Variants in CALHM2 observed in about 807,000 individuals in gnomAD.
The protein encoded by CALHM2 is calcium homeostasis modulator family member 2.
In CALHM2, 18 loss-of-function variants were observed where a neutral mutation model predicts 20.4. The ratio of observed to expected loss-of-function variants is 0.88; its 90% CI spans 0.61 to 1.31. The LOEUF (loss-of-function observed/expected upper bound fraction) is 1.31. Among genes scored for constraint, CALHM2 ranks in the 50% most tolerant of loss-of-function variants. The pLI is 0.00. For synonymous variants in CALHM2, 193 were observed against 192.1 expected, an observed-to-expected ratio of 1.00 and a Z score of -0.04; for missense variants, 411 against 435.7, an observed-to-expected ratio of 0.94 and a Z score of 0.50.
chr10:103,449,558 A>AT lies in CALHM2; in HGVS notation c.383dup (p.Tyr128Ter). ...SVISLLRGEAYVCALSEFVDP... is the reference protein window; with the variant it reads ...SVISLLRGEA ...CCACGAACTCACTGAGAGCACAGAC[A>AT]TAAGCCTCACCACGCAGCAGGGAGA... The change falls in exon 3 of 4, where the codon TAT becomes TAAT. Residue 128 changes from tyrosine (Y) to a stop codon, truncating the protein, a stop_gained and frameshift_variant. Transcript: ENST00000260743. LOFTEE classifies it high-confidence loss of function. The AT allele has an allele frequency of 6.2e-7, 1 of 1,613,862 alleles. No homozygotes were observed. Among genetic ancestry groups the AT allele is most frequent in the Non-Finnish European group, 8.5e-7 (1 of 1,180,042 alleles).
rs770360675 is a variant in CALHM2 at position 103,447,573 on chromosome 10, C to A, written c.556-5G>T. The A allele has an allele frequency of 1.3e-6, 2 of 1,582,150 alleles. No individual in the cohort carries two copies. Among genetic ancestry groups the A allele is most frequent in the South Asian group, 2.3e-5 (2 of 86,566 alleles). ...GATGAGCAGCCATCCAAAGAGCTGG[C>A]CAGAGAATGGGCACAGTTCAGGAGG... On this transcript the variant is annotated splice_region_variant and splice_polypyrimidine_tract_variant and intron_variant, in intron 3 of 3. Coordinates refer to ENST00000260743, the MANE Select transcript of CALHM2 (RefSeq NM_015916.5).
At chr10:103,451,659 G>GGA (rs2032996468) in intron 1 of CALHM2, 1 of 150,252 alleles carries the variant, frequency 6.7e-6, no homozygotes. Context: ...AGGAGGAGGA[G>GGA]GAGGAGGAGG....
rs1332603420 is a variant in CALHM2 at position 103,452,326 on chromosome 10, AAG to A, written c.-534_-533del. 1.3e-5 allele frequency: 2 copies of A among 152,380 alleles called. No homozygotes were observed. The highest frequency in any genetic ancestry group is 2.9e-5 in the Non-Finnish European group (2 of 68,138). 9.4% of individuals were successfully genotyped at this position (152,380 alleles called of 1,614,324 possible). On this transcript the variant is annotated 5_prime_UTR_variant, in exon 1 of 4. Transcript: ENST00000260743. ...GCTTCAGACTAATCTAACTCCAGAA[AAG>A]AGAGAAGAAAACAGTGGGATGGAGT...
Position 103,447,025 on chromosome 10 carries a change from G to A in CALHM2, c.*127C>T. The A allele has an allele frequency of 9.6e-7, 1 of 1,041,916 alleles. No homozygotes were observed. Among genetic ancestry groups the A allele is most frequent in the Non-Finnish European group, 1.4e-6 (1 of 733,086 alleles). 64.5% of individuals were successfully genotyped at this position (1,041,916 alleles called of 1,614,324 possible). On this transcript the variant is annotated 3_prime_UTR_variant, in exon 4 of 4. Transcript: ENST00000260743. The stretch of plus-strand genomic sequence containing the variant: ...TGTCCACACCCCAGATTGCCTTGTG[G>A]TCCTTTCCCCTGGCCAAGAAGATAA...
At position 103,447,428 on chromosome 10, in the gene CALHM2, C is replaced by T; in HGVS notation, c.696G>A (p.Gln232=). ...QYRANEDQLF[Q]RTAEVHSRVL... ...CCCGAGAGTGCACCTCGGCCGTGCGCTGGAACAGCTGGTCCTCATTGGCGC... is the reference window on the plus strand; with the variant it reads ...CCCGAGAGTGCACCTCGGCCGTGCGTTGGAACAGCTGGTCCTCATTGGCGC... Residue 232 remains glutamine, a synonymous_variant, in exon 4 of 4, where the codon CAG becomes CAA. Transcript: ENST00000260743. 1.2e-6 allele frequency: 2 copies of T among 1,614,218 alleles called. No homozygotes were observed. Among genetic ancestry groups the T allele is most frequent in the Non-Finnish European group, 1.7e-6 (2 of 1,180,028 alleles).
intron 3 of CALHM2, 65 bp from the exon 4 acceptor site, chr10:103,447,633 G>A (rs1774337793): frequency 2.2e-6 from 3 of 1,372,554 alleles, no homozygotes; most frequent in Middle Eastern, 2.5e-4. Context: ...CCCCCAGAGC[G>A]AATGGAAAAG....
At position 103,449,932 on chromosome 10, in the gene CALHM2, G is replaced by A. The variant is rs766674815; in HGVS notation, c.10C>T (p.Leu4=). The change falls in exon 3 of 4, where the codon CTG becomes TTG. Residue 4 remains leucine (L), a synonymous_variant. Coordinates refer to ENST00000260743, the MANE Select transcript of CALHM2 (RefSeq NM_015916.5). MAA[L]IAENFRFLSL... ...AGGAAGCGGAAGTTCTCTGCGATCA[G>A]GGCTGCCATGGCGATAGTCGTGGCG... 1.9e-6 allele frequency: 3 copies of A among 1,609,786 alleles called. No homozygotes were observed. In the South Asian group the frequency reaches 3.3e-5, roughly 18 times the overall value.
chr10:103,447,693 C>T lies in CALHM2; in HGVS notation c.556-125G>A, dbSNP rs184384749. 470 of 801,038 alleles carry T rather than the reference C, an allele frequency of 5.9e-4. 2 individuals are homozygous for T. The African/African-American group carries it at 7.4e-3, about 13-fold the overall frequency. 49.6% of individuals were successfully genotyped at this position (801,038 alleles called of 1,614,324 possible). The stretch of plus-strand genomic sequence containing the variant: ...AAGCAGGCCCTTGTGGCTGTGATTC[C>T]ATCGTTTCCTTACCCCCTTTAACTC... On this transcript the variant is annotated intron_variant, in intron 3 of 3. Transcript: ENST00000260743.
rs563277335 is a variant in CALHM2 at position 103,449,445 on chromosome 10, G to A, written c.497C>T (p.Pro166Leu). ...ILARFPCKEN[P>L]DNLSDFREEV... ...CTCCCGGAAGTCTGACAGGTTGTCA[G>A]GGTTCTCCTTGCAGGGGAACCTGGC... is the stretch of plus-strand genomic sequence containing the variant. Residue 166 changes from proline (P) to leucine (L), a missense_variant, in exon 3 of 4, where the codon CCT becomes CTT. By Grantham distance (98) the Pro-to-Leu change is moderately conservative (BLOSUM62 -3). Transcript: ENST00000260743. The A allele has an allele frequency of 1.2e-6, 2 of 1,613,168 alleles. No individual in the cohort carries two copies. Among genetic ancestry groups the A allele is most frequent in the Non-Finnish European group, 1.7e-6 (2 of 1,180,044 alleles).
intron 1 of CALHM2, chr10:103,451,603 G>T: frequency 6.5e-6 from 1 of 154,920 alleles, no homozygotes; most frequent in South Asian, 1.8e-4. Context: ...CAGACTCCAA[G>T]AAAAGGAGAA....
At chr10:103,449,364 C>A in intron 3 of CALHM2, 23 bp downstream of exon 3, 1 of 1,606,424 alleles carries the variant, frequency 6.2e-7, no homozygotes. Flanking sequence ...GGAAGAGGAG[C>A]TTCCCTTTGC....
At chr10:103,447,754 C>T (rs746506877) in intron 3 of CALHM2, among the ~76,000 whole-genome samples, 186 bp from the exon 4 acceptor site, 4 of 152,198 alleles carry the variant, frequency 2.6e-5, no homozygotes, top group Non-Finnish European at 4.4e-5. Context: ...CCTGCGTTTT[C>T]TGCTGCCACC....
In CALHM2 at chr10:103,447,051, C is replaced by T; in HGVS notation, c.*101G>A. 2 of 1,273,920 alleles carry T rather than the reference C, an allele frequency of 1.6e-6. No homozygotes were observed. Among genetic ancestry groups the T allele is most frequent in the Non-Finnish European group, 2.2e-6 (2 of 920,648 alleles). The allele number at this position is 1,273,920 out of a possible 1,614,324, so 78.9% of individuals were successfully genotyped here. The stretch of plus-strand genomic sequence containing the variant: ...TCCTTTCCCCTGGCCAAGAAGATAA[C>T]AGTTTTTTAAAAATCCCCTTCTGAT... On this transcript the variant is annotated 3_prime_UTR_variant, in exon 4 of 4. Coordinates refer to ENST00000260743, the MANE Select transcript of CALHM2 (RefSeq NM_015916.5).
rs758086364 is a variant in CALHM2, at chr10:103,449,846, C to T, written c.96G>A (p.Thr32=). Residue 32 remains threonine, a synonymous_variant, in exon 3 of 4, where the codon ACG becomes ACA. Coordinates refer to ENST00000260743, the MANE Select transcript of CALHM2 (RefSeq NM_015916.5). The part of the protein sequence containing the change: ...MIFNGLVALG[T]VGSQELFSVV... ...CAGAGAACAGCTCCTGGCTGCCCACCGTGCCCAGTGCCACCAGGCCGTTGA... is the reference window on the plus strand; with the variant it reads ...CAGAGAACAGCTCCTGGCTGCCCACTGTGCCCAGTGCCACCAGGCCGTTGA... The T allele has an allele frequency of 1.7e-5, 27 of 1,613,200 alleles. No homozygotes were observed. The highest frequency in any genetic ancestry group is 1.6e-4 in the Middle Eastern group (1 of 6,084).
In CALHM2 at chr10:103,449,930, C is replaced by T; in HGVS notation, c.12G>A (p.Leu4=). 6.2e-7 allele frequency: 1 copy of T among 1,609,434 alleles called. No individual in the cohort carries two copies. Among genetic ancestry groups the T allele is most frequent in the Non-Finnish European group, 8.5e-7 (1 of 1,177,152 alleles). Residue 4 remains leucine (L), a synonymous_variant, in exon 3 of 4, where the codon CTG becomes CTA. Transcript: ENST00000260743. ...ACAGGAAGCGGAAGTTCTCTGCGATCAGGGCTGCCATGGCGATAGTCGTGG... is the reference window on the plus strand; with the variant it reads ...ACAGGAAGCGGAAGTTCTCTGCGATTAGGGCTGCCATGGCGATAGTCGTGG... MAA[L]IAENFRFLSL...
At chr10:103,450,556 T>G (rs1244221547) in intron 2 of CALHM2, 1 of 157,748 alleles carries the variant, frequency 6.3e-6, no homozygotes, top group Admixed American at 6.0e-5. Context: ...ATCCAGGGCG[T>G]GTCCTTAGGG....
chr10:103,447,330 G>A lies in CALHM2; in HGVS notation c.794C>T (p.Ala265Val). 1 of 1,614,236 alleles carries A rather than the reference G, an allele frequency of 6.2e-7. No individual in the cohort carries two copies. The highest frequency in any genetic ancestry group is 1.1e-5 in the South Asian group (1 of 91,086). The change falls in exon 4 of 4, where the codon GCC (alanine) becomes GTC (valine). Residue 265 changes from alanine (A) to valine (V), a missense_variant. Transcript: ENST00000260743. ...ALNKDDEELI[A>V]NFPVEGTQPR... ...CTGCGTGCCTTCCACTGGGAAGTTG[G>A]CAATCAGTTCCTCATCATCCTTGTT...
rs766614483 is a variant in CALHM2, at chr10:103,449,676, C to T, written c.266G>A (p.Arg89Gln). The T allele has an allele frequency of 7.5e-5, 121 of 1,613,804 alleles. No individual in the cohort carries two copies. The Admixed American group carries it at 9.2e-4, about 12-fold the overall frequency. ...TWNLVAECQH[R>Q]RTKNCSAAPT... ...GGCGGCGGAGCAGTTCTTGGTCCTC[C>T]GGTGCTGGCACTCGGCCACGAGGTT... The change falls in exon 3 of 4, where the codon CGG becomes CAG. Residue 89 changes from arginine (R) to glutamine (Q), a missense_variant. Arg to Gln is a conservative substitution (Grantham distance 43, BLOSUM62 1). Coordinates refer to ENST00000260743, the MANE Select transcript of CALHM2 (RefSeq NM_015916.5).
rs11591832 is a variant in CALHM2 at position 103,451,131 on chromosome 10, C to G, written c.-207G>C. 0.047 allele frequency: 7,143 copies of G among 152,586 alleles called. 221 individuals are homozygous for G. Among genetic ancestry groups the G allele is most frequent in the Middle Eastern group, 0.075 (22 of 294 alleles). The allele number at this position is 152,586 out of a possible 1,614,324, so 9.5% of individuals were successfully genotyped here. A position where few individuals can be genotyped will look rare whatever the true frequency, so the allele number is the denominator to read the frequency against. On this transcript the variant is annotated 5_prime_UTR_variant, in exon 2 of 4. Transcript: ENST00000260743. ...TCCCGAAGAACCTCCTCTTCCGCAG[C>G]CGTGACCCCTCTCCTATCCAGCAGC...
Sources: gnomAD v4.1 joint callset for allele counts (sites outside exome capture counted in the v4.1 genomes callset) on GRCh38, gnomAD v4.1.1 for gene constraint, MANE v1.5 for transcripts, NCBI Gene and HGNC (gene_info 2026-07-23, HGNC 2026-07-21) for gene names.